THNSL2: variants seen among roughly 807,000 people sequenced by gnomAD.
THNSL2 encodes the protein threonine synthase like 2, also known as threonine synthase-like 2.
Under a neutral mutation model 40.0 loss-of-function variants are expected in THNSL2, and 34 were observed. That is an observed-to-expected ratio of 0.85 (90% CI 0.65 to 1.13). The LOEUF (loss-of-function observed/expected upper bound fraction) is 1.13. Among genes scored for constraint, THNSL2 ranks in the 50% most tolerant of loss-of-function variants. The probability of loss-of-function intolerance (pLI) is 0.00; values close to 1 mark genes in which losing one functional copy is unlikely to be tolerated. For synonymous variants in THNSL2, 241 were observed against 247.5 expected, an observed-to-expected ratio of 0.97 and a Z score of 0.25; for missense variants, 537 against 608.8, an observed-to-expected ratio of 0.88 and a Z score of 1.24.
In THNSL2 at chr2:88,182,780, T is replaced by C. The variant is rs1677833322; in HGVS notation, c.884T>C (p.Val295Ala). 6.2e-7 allele frequency: 1 copy of C among 1,614,054 alleles called. No individual in the cohort carries two copies. Among genetic ancestry groups the C allele is most frequent in the Non-Finnish European group, 8.5e-7 (1 of 1,180,050 alleles). ...CGCAATGACATCATCCACAGGACTGTCCAGCAGGGAGACTTCTCTCTCTCT... is the reference window on the plus strand; with the variant it reads ...CGCAATGACATCATCCACAGGACTGCCCAGCAGGGAGACTTCTCTCTCTCT... ...VNRNDIIHRT[V>A]QQGDFSLSEA... The change falls in exon 6 of 9, where the codon GTC becomes GCC. Residue 295 changes from valine (V) to alanine (A), a missense_variant. Coordinates refer to ENST00000674334, the MANE Select transcript of THNSL2 (RefSeq NM_018271.5).
rs770937356 is a variant in THNSL2, at chr2:88,185,398, A to G, written c.1148A>G (p.Asp383Gly). Reference sequence around the variant, plus strand: ...ACCCAGACCATGGGCCGCTGCTGGGATGAGAACCAGTACTTGCTGTGCCCC... The same window carrying G: ...ACCCAGACCATGGGCCGCTGCTGGGGTGAGAACCAGTACTTGCTGTGCCCC... The part of the protein sequence containing the change: ...AITQTMGRCW[D>G]ENQYLLCPHS... Residue 383 changes from aspartate to glycine, a missense_variant, in exon 8 of 9, where the codon GAT becomes GGT. Coordinates refer to ENST00000674334, the MANE Select transcript of THNSL2 (RefSeq NM_018271.5). 6.2e-7 allele frequency: 1 copy of G among 1,613,950 alleles called. No homozygotes were observed. The highest frequency in any genetic ancestry group is 8.5e-7 in the Non-Finnish European group (1 of 1,180,030).
chr2:88,174,691 G>C lies in THNSL2; in HGVS notation c.276G>C (p.Leu92=), dbSNP rs748288640. 2.5e-6 allele frequency: 4 copies of C among 1,614,200 alleles called. No homozygotes were observed. In the South Asian group the frequency reaches 4.4e-5, roughly 18 times the overall value. The change falls in exon 3 of 9, where the codon CTG becomes CTC. Residue 92 remains leucine, a synonymous_variant. Transcript: ENST00000674334. The part of the protein sequence containing the change: ...SRFRHREVVH[L]SRLRNGLNVL... ...TCCGTCACAGAGAAGTGGTCCATCT[G>C]TCCAGGTTGAGGAATGGGCTGAACG...
At chr2:88,172,067 G>A (rs1345192887) in intron 1 of THNSL2, 1 of 152,292 alleles carries the variant, frequency 6.6e-6, no homozygotes, top group Non-Finnish European at 1.5e-5. Context: ...TTAGAGGGCA[G>A]GGGATCCCCT....
chr2:88,174,868 G>T (rs1384580285), intron 3 of THNSL2, 35 bp downstream of exon 3: 1 of 1,606,754 alleles, frequency 6.2e-7, no homozygotes, highest in East Asian at 2.2e-5. Context: ...GAATACCTGA[G>T]TGCTGTGACT....
chr2:88,177,883 G>A (rs1332507902), intron 4 of THNSL2, among the ~76,000 whole-genome samples: 1 of 152,206 alleles, frequency 6.6e-6, no homozygotes, highest in Non-Finnish European at 1.5e-5. Context: ...CCTGGCAAAG[G>A]AATGGAATCA....
chr2:88,182,871 A>C (rs971427350), intron 6 of THNSL2, 24 bp downstream of exon 6: 10 of 1,613,012 alleles, frequency 6.2e-6, no homozygotes, highest in Non-Finnish European at 8.5e-6. Context: ...AGGTGTGCAG[A>C]TCTGGCCCAG....
At chr2:88,170,825 C>T (rs1168868024) in intron 1 of THNSL2, among the ~76,000 whole-genome samples, 1 of 149,364 alleles carries the variant, frequency 6.7e-6, no homozygotes, top group Non-Finnish European at 1.5e-5. Context: ...GGGTCTGCCT[C>T]CACCCCTAGG....
intron 7 of THNSL2, among the ~76,000 whole-genome samples, chr2:88,184,308 A>G (rs1399698689): frequency 6.6e-6 from 1 of 152,200 alleles, no homozygotes; most frequent in Non-Finnish European, 1.5e-5. Flanking sequence ...CTCTCTGGCT[A>G]TACACATAGG....
intron 5 of THNSL2, among the ~76,000 whole-genome samples, chr2:88,181,892 G>A (rs535608924): frequency 6.6e-6 from 1 of 152,184 alleles, no homozygotes; most frequent in African/African-American, 2.4e-5. Flanking sequence ...GTGGTCTTTT[G>A]TGCCTGACTT....
In THNSL2 at chr2:88,173,246, T is replaced by G. The variant is rs1676549477; in HGVS notation, c.96T>G (p.Pro32=). 1.9e-6 allele frequency: 3 copies of G among 1,612,122 alleles called. No individual in the cohort carries two copies. The highest frequency in any genetic ancestry group is 2.5e-6 in the Non-Finnish European group (3 of 1,179,864). Residue 32 remains proline (P), a synonymous_variant, in exon 2 of 9, where the codon CCT becomes CCG. Transcript: ENST00000674334. ...GYAPDGGLFM[P]EELPQLDRGT... is the part of the protein sequence containing the mutation. ...CACCTGACGGGGGCCTCTTTATGCCTGAAGAGCTCCCACAGTTGGACAGAG... is the reference window on the plus strand; with the variant it reads ...CACCTGACGGGGGCCTCTTTATGCCGGAAGAGCTCCCACAGTTGGACAGAG...
At chr2:88,184,321 A>T (rs1678017049) in intron 7 of THNSL2, among the ~76,000 whole-genome samples, 1 of 152,274 alleles carries the variant, frequency 6.6e-6, no homozygotes, top group Non-Finnish European at 1.5e-5. Context: ...CACATAGGAG[A>T]CACTTCACTT....
At chr2:88,175,619 A>T in intron 4 of THNSL2, 2 of 561,200 alleles carry the variant, frequency 3.6e-6, no homozygotes, top group Non-Finnish European at 3.1e-6. Context: ...ACTGATACCA[A>T]CAGTACAACA....
At position 88,173,133 on chromosome 2, in the gene THNSL2, C is replaced by A; in HGVS notation, c.-12-6C>A. 1 of 1,512,418 alleles carries A rather than the reference C, an allele frequency of 6.6e-7. No homozygotes were observed. Among genetic ancestry groups the A allele is most frequent in the South Asian group, 1.3e-5 (1 of 74,642 alleles). The allele number at this position is 1,512,418 out of a possible 1,614,324, so 93.7% of individuals were successfully genotyped here. A position where few individuals can be genotyped will look rare whatever the true frequency, so the allele number is the denominator to read the frequency against. On this transcript the variant is annotated splice_polypyrimidine_tract_variant and splice_region_variant and intron_variant, in intron 1 of 8. Coordinates refer to ENST00000674334, the MANE Select transcript of THNSL2 (RefSeq NM_018271.5). ...CCAGGTGCTTCTGGGACTGTCCTCT[C>A]TGCAGGCCTCCAGGATCATGTGGTA... is the stretch of plus-strand genomic sequence containing the variant.
chr2:88,172,916 G>A, intron 1 of THNSL2: 1 of 367,616 alleles, frequency 2.7e-6, no homozygotes, highest in East Asian at 3.9e-5. Context: ...AAGACAGGAG[G>A]TCAGTGGAAT....
chr2:88,185,447 C>A lies in THNSL2; in HGVS notation c.1197C>A (p.Tyr399Ter). 6.2e-7 allele frequency: 1 copy of A among 1,613,190 alleles called. No homozygotes were observed. Among genetic ancestry groups the A allele is most frequent in the South Asian group, 1.1e-5 (1 of 90,866 alleles). ...CCCACTCAGCGGTGGCCGTGAACTA[C>A]CATTACCAGCAGATAGACAGGCAGC... The part of the protein sequence containing the change: ...LCPHSAVAVN[Y>*]HYQQIDRQQP... Residue 399 changes from tyrosine (Y) to a stop codon, truncating the protein, a stop_gained, in exon 8 of 9, where the codon TAC (tyrosine) becomes TAA (stop). Coordinates refer to ENST00000674334, the MANE Select transcript of THNSL2 (RefSeq NM_018271.5). LOFTEE classifies it low-confidence loss of function (END_TRUNC).
chr2:88,179,170 C>G (rs1677269446), intron 5 of THNSL2, among the ~76,000 whole-genome samples, 157 bp downstream of exon 5: 1 of 152,226 alleles, frequency 6.6e-6, no homozygotes, highest in Admixed American at 6.5e-5. Context: ...GGAGATTTCC[C>G]CCCTCATTGC....
chr2:88,186,397 T>C lies in THNSL2; in HGVS notation c.*274T>C, dbSNP rs1678294264. On this transcript the variant is annotated 3_prime_UTR_variant, in exon 9 of 9. Transcript: ENST00000674334. ...GAGCTGTAGTGAAAGTTTCAGGGCC[T>C]GCAAAAGAAGAGGCTTGGGCACAGG... 2 of 473,680 alleles carry C rather than the reference T, an allele frequency of 4.2e-6. No homozygotes were observed. Among genetic ancestry groups the C allele is most frequent in the South Asian group, 4.4e-5 (2 of 45,054 alleles). The allele number at this position is 473,680 out of a possible 1,614,324, so 29.3% of individuals were successfully genotyped here. A position where few individuals can be genotyped will look rare whatever the true frequency, so the allele number is the denominator to read the frequency against.
At chr2:88,183,194 A>G in intron 7 of THNSL2, 121 bp downstream of exon 7, 1 of 1,341,054 alleles carries the variant, frequency 7.5e-7, no homozygotes, top group Non-Finnish European at 1.0e-6. Context: ...CTATGAGCCC[A>G]CCACTTTTAC....
chr2:88,173,486 C>A, intron 2 of THNSL2, 113 bp downstream of exon 2: 2 of 767,254 alleles, frequency 2.6e-6, no homozygotes, highest in Non-Finnish European at 3.6e-6. Context: ...TCTTCTCAAA[C>A]TTTGTTTTAT....
Sources: allele counts gnomAD v4.1 joint callset (sites outside exome capture counted in the v4.1 genomes callset), GRCh38; gene constraint gnomAD v4.1.1; transcripts MANE v1.5; gene names NCBI Gene and HGNC (gene_info 2026-07-23, HGNC 2026-07-21).